The following KIRREL3 variants were observed in gnomAD, a reference collection of about 807,000 sequenced individuals.
KIRREL3 encodes kirre like nephrin family adhesion molecule 3.
A neutral mutation model predicts 89.7 loss-of-function variants in KIRREL3; 36 were observed. The observed-to-expected ratio is 0.40, with a 90% CI of 0.31 to 0.53. The LOEUF is 0.53. KIRREL3 is among the 20% of genes least tolerant of loss of function. The pLI is 0.49. For synonymous variants in KIRREL3, 445 were observed against 441.4 expected (o/e 1.01, Z -0.10); for missense variants, 864 against 1,056.6 (o/e 0.82, Z 2.53).
At chr11:126,547,893 C>T (rs117999787) in intron 2 of KIRREL3, among the ~76,000 whole-genome samples, 24 of 152,276 alleles carry the variant, frequency 1.6e-4, no homozygotes, top group East Asian at 9.7e-4. Flanking sequence ...CAGGCTTTGG[C>T]GTTCAGCTGG....
In KIRREL3 at chr11:126,687,479, A is replaced by T. The variant is rs1312331277; in HGVS notation, c.56-124567T>A. 6.6e-6 allele frequency among the ~76,000 whole-genome samples: 1 copy of T among 152,200 alleles called. No homozygotes were observed. The highest frequency in any genetic ancestry group is 1.5e-5 in the Non-Finnish European group (1 of 68,034). The stretch of plus-strand genomic sequence containing the variant: ...TAAAGAATTCACAAAAATCCACACC[A>T]AAACCTCTAGATATTCCCATGGAGC... On this transcript the variant is annotated intron_variant, in intron 1 of 16. Coordinates refer to ENST00000525144, the MANE Select transcript of KIRREL3 (RefSeq NM_032531.4). The surrounding 1 kb of genome is among the most constrained non-coding windows in gnomAD (Gnocchi z 4.6).
At position 126,876,364 on chromosome 11, in the gene KIRREL3, C is replaced by G. The variant is rs1425066812; in HGVS notation, c.55+124091G>C. Among the ~76,000 whole-genome samples the G allele has an allele frequency of 1.3e-5, 2 of 152,072 alleles. No homozygotes were observed. The highest frequency in any genetic ancestry group is 4.1e-4 in the South Asian group (2 of 4,824). ...AGGGAAAATGTGGAGAAGCAGATAG[C>G]AATGTGGTAAAAAGATGCTTGGTGC... On this transcript the variant is annotated intron_variant, in intron 1 of 16. Coordinates refer to ENST00000525144, the MANE Select transcript of KIRREL3 (RefSeq NM_032531.4). This position sits in a 1 kb window ranked among gnomAD's most constrained non-coding sequence, Gnocchi z 4.1.
At chr11:126,625,494 G>T (rs1943745314) in intron 1 of KIRREL3, among the ~76,000 whole-genome samples, 3 of 152,098 alleles carry the variant, frequency 2.0e-5, no homozygotes, top group Non-Finnish European at 4.4e-5. Flanking sequence ...TCTCCATACT[G>T]CTGCTTACAT....
intron 1 of KIRREL3, among the ~76,000 whole-genome samples, chr11:126,848,423 G>C (rs927727402): frequency 2.0e-5 from 3 of 152,142 alleles, no homozygotes; most frequent in African/African-American, 7.2e-5. Flanking sequence ...AGTCTCATCA[G>C]TTGTTTGTTT....
chr11:126,602,231 A>G (rs1942692584), intron 1 of KIRREL3, among the ~76,000 whole-genome samples: 2 of 152,164 alleles, frequency 1.3e-5, no homozygotes, highest in Admixed American at 1.3e-4. Flanking sequence ...GCTCACTGTC[A>G]GAGGTGGCTC....
intron 9 of KIRREL3, among the ~76,000 whole-genome samples, chr11:126,445,376 G>T (rs1955748326): frequency 6.6e-6 from 1 of 152,210 alleles, no homozygotes; most frequent in Non-Finnish European, 1.5e-5. Flanking sequence ...GGGGGCATGT[G>T]GGGGCACATG....
At position 126,892,723 on chromosome 11, in the gene KIRREL3, T is replaced by C. The variant is rs573498276; in HGVS notation, c.55+107732A>G. On this transcript the variant is annotated intron_variant, in intron 1 of 16. Transcript: ENST00000525144. The surrounding 1 kb of genome is among the most constrained non-coding windows in gnomAD (Gnocchi z 5.4). ...GCCAAGTAGAAACTACAGCATGACC[T>C]GACTTCTATGCCCCCAGCACTATGG... is the stretch of plus-strand genomic sequence containing the variant. 3.2e-4 allele frequency among the ~76,000 whole-genome samples: 48 copies of C among 152,302 alleles called. No homozygotes were observed. Among genetic ancestry groups the C allele is most frequent in the African/African-American group, 1.0e-3 (43 of 41,560 alleles).
intron 1 of KIRREL3, among the ~76,000 whole-genome samples, chr11:126,671,601 A>G (rs1408730309): frequency 6.6e-6 from 1 of 152,244 alleles, no homozygotes; most frequent in Non-Finnish European, 1.5e-5. Context: ...CAAATGGTCC[A>G]ACTTAAAAAA....
At chr11:126,775,513 T>C (rs1950145176) in intron 1 of KIRREL3, among the ~76,000 whole-genome samples, 1 of 152,166 alleles carries the variant, frequency 6.6e-6, no homozygotes, top group South Asian at 2.1e-4. Flanking sequence ...CTTGGCCTTA[T>C]TTGTGACCCT....
At position 126,750,248 on chromosome 11, in the gene KIRREL3, G is replaced by A. The variant is rs1222260142; in HGVS notation, c.56-187336C>T. ...ACTTGGGGCCTTTATTTCTCAGTTC[G>A]GGACTTCTACTATGGTACTTCCTTC... is the stretch of plus-strand genomic sequence containing the variant. On this transcript the variant is annotated intron_variant, in intron 1 of 16. Transcript: ENST00000525144. The surrounding 1 kb of genome is among the most constrained non-coding windows in gnomAD (Gnocchi z 4.2). Among the ~76,000 whole-genome samples the A allele has an allele frequency of 1.3e-5, 2 of 152,104 alleles. No individual in the cohort carries two copies. The highest frequency in any genetic ancestry group is 2.9e-5 in the Non-Finnish European group (2 of 68,024).
At chr11:126,856,884 C>T (rs887140573) in intron 1 of KIRREL3, among the ~76,000 whole-genome samples, 5 of 152,048 alleles carry the variant, frequency 3.3e-5, no homozygotes, top group African/African-American at 7.2e-5. Context: ...TGAGCCACTG[C>T]GCTGGGCCCA....
rs1592114777 is a variant in KIRREL3 at position 126,778,167 on chromosome 11, C to A, written c.56-215255G>T. On this transcript the variant is annotated intron_variant, in intron 1 of 16. Coordinates refer to ENST00000525144, the MANE Select transcript of KIRREL3 (RefSeq NM_032531.4). The surrounding 1 kb of genome is among the most constrained non-coding windows in gnomAD (Gnocchi z 4.5). The stretch of plus-strand genomic sequence containing the variant: ...AACATTTCAGTGGATATCCTACACC[C>A]TTTCTAGGGTTGTATATTCATGAGA... Among the ~76,000 whole-genome samples, 1 of 152,176 alleles carries A rather than the reference C, an allele frequency of 6.6e-6. No individual in the cohort carries two copies. The highest frequency in any genetic ancestry group is 2.4e-5 in the African/African-American group (1 of 41,436).
intron 1 of KIRREL3, among the ~76,000 whole-genome samples, chr11:126,801,892 A>C (rs1199211128): frequency 1.3e-5 from 2 of 152,152 alleles, no homozygotes; most frequent in Non-Finnish European, 2.9e-5. Context: ...CTCTAACTGC[A>C]CCATGGTACT....
intron 1 of KIRREL3, among the ~76,000 whole-genome samples, chr11:126,941,497 C>T (rs1235741708): frequency 2.0e-5 from 3 of 152,204 alleles, no homozygotes; most frequent in Non-Finnish European, 4.4e-5. Context: ...AAATCACTCA[C>T]CAGGTGATTC....
chr11:126,465,852 A>T (rs937112465), intron 5 of KIRREL3, among the ~76,000 whole-genome samples: 7 of 152,170 alleles, frequency 4.6e-5, no homozygotes, highest in African/African-American at 1.4e-4. Flanking sequence ...TCTTCAGCAG[A>T]CCTCATCGAG....
intron 1 of KIRREL3, among the ~76,000 whole-genome samples, chr11:126,910,174 G>A (rs1268370909): frequency 6.6e-6 from 1 of 152,108 alleles, no homozygotes; most frequent in Admixed American, 6.5e-5. Context: ...AGAAGGTCCA[G>A]GGCTTTGAAA....
chr11:126,483,910 A>G (rs984533816), intron 4 of KIRREL3, among the ~76,000 whole-genome samples: 3 of 152,126 alleles, frequency 2.0e-5, no homozygotes, highest in African/African-American at 7.2e-5. Flanking sequence ...CACCTCCTCC[A>G]CAAAGTCTTC....
intron 11 of KIRREL3, among the ~76,000 whole-genome samples, chr11:126,438,167 G>A (rs1437876815): frequency 1.3e-5 from 2 of 152,250 alleles, no homozygotes; most frequent in African/African-American, 2.4e-5. Flanking sequence ...GCCTGGGTGG[G>A]TGTGAGTTAG....
In KIRREL3 at chr11:126,443,311, G is replaced by A. The variant is rs938439370; in HGVS notation, c.1252+1668C>T. 3.3e-5 allele frequency among the ~76,000 whole-genome samples: 5 copies of A among 152,182 alleles called. No homozygotes were observed. The highest frequency in any genetic ancestry group is 1.2e-4 in the African/African-American group (5 of 41,452). On this transcript the variant is annotated intron_variant, in intron 10 of 16. Transcript: ENST00000525144. The surrounding 1 kb of genome is among the most constrained non-coding windows in gnomAD (Gnocchi z 7.3). ...GCTGGCGCGGGCTGTGTGGAGGGCCGCTGATTTCACTGGGGCCTGGAGCTC... is the reference window on the plus strand; with the variant it reads ...GCTGGCGCGGGCTGTGTGGAGGGCCACTGATTTCACTGGGGCCTGGAGCTC...
Sources: allele counts gnomAD v4.1 joint callset (sites outside exome capture counted in the v4.1 genomes callset), GRCh38; gene constraint gnomAD v4.1.1; non-coding constraint Gnocchi (gnomAD v3.1); transcripts MANE v1.5; gene names NCBI Gene and HGNC (gene_info 2026-07-23, HGNC 2026-07-21).